CRB1: variants seen among roughly 807,000 people sequenced by gnomAD.
CRB1 encodes protein crumbs homolog 1.
CRB1 carries 83 observed loss-of-function variants against 120.0 expected under a neutral mutation model. The ratio of observed to expected loss-of-function variants is 0.69; its 90% CI spans 0.58 to 0.83. CRB1 has a LOEUF of 0.83. Among genes scored for constraint, CRB1 ranks in the 40% least tolerant of loss-of-function variants. The pLI, the probability that CRB1 is intolerant of heterozygous loss-of-function variation, is 0.00. For synonymous variants in CRB1, 625 were observed against 612.5 expected (o/e 1.02, Z -0.30); for missense variants, 1,699 against 1,687.6 (o/e 1.01, Z -0.12).
At chr1:197,211,142 A>G in the CRB1 span, among the ~76,000 whole-genome samples, 1 of 152,336 alleles carries the variant, frequency 6.6e-6, no homozygotes, top group East Asian at 1.9e-4. Context: ...TTTTATAAGA[A>G]GCAAATATGA....
chr1:197,365,035 A>T (rs1449112419), intron 5 of CRB1, among the ~76,000 whole-genome samples: 1 of 151,816 alleles, frequency 6.6e-6, no homozygotes, highest in African/African-American at 2.4e-5. Flanking sequence ...TCACCTTTTT[A>T]GGTTTTAAGA....
chr1:197,329,001 C>T lies in CRB1; in HGVS notation c.650C>T (p.Ser217Phe). Residue 217 changes from serine (S) to phenylalanine (F), a missense_variant and splice_region_variant, in exon 2 of 12, where the codon TCT (serine) becomes TTT (phenylalanine). By Grantham distance (155) the Ser-to-Phe change is radical. Transcript: ENST00000367400. The part of the protein sequence containing the change: ...RYTCICPHNY[S>F]GVNCELEIDE... ...ACTTGTATCTGTCCCCACAATTATT[C>T]TGGTAAGTGTGATCATATCTGAATC... 6.2e-7 allele frequency: 1 copy of T among 1,608,424 alleles called. No homozygotes were observed. Among genetic ancestry groups the T allele is most frequent in the Non-Finnish European group, 8.5e-7 (1 of 1,177,198 alleles).
intron 1 of CRB1, among the ~76,000 whole-genome samples, chr1:197,285,783 AGGAAGGCCATGCCAGG>A (rs1655789760): frequency 6.6e-6 from 1 of 151,938 alleles, no homozygotes; most frequent in African/African-American, 2.4e-5. Context: ...ATATTTACCA[AGGAAGGCCATGCCAGG>A]GGAAACACAC....
chr1:197,477,124 G>C (rs1030987096), intron 11 of CRB1, among the ~76,000 whole-genome samples: 56 of 152,288 alleles, frequency 3.7e-4, no homozygotes, highest in African/African-American at 1.1e-3. Flanking sequence ...CCGAATCAGA[G>C]TGATTCCTTT....
the CRB1 span, among the ~76,000 whole-genome samples, chr1:197,241,039 A>T: frequency 6.6e-6 from 1 of 151,944 alleles, no homozygotes. Context: ...CCACTTTTTG[A>T]TGGGGTTGTT....
intron 11 of CRB1, among the ~76,000 whole-genome samples, chr1:197,462,531 C>G (rs555374930): frequency 1.3e-5 from 2 of 152,134 alleles, no homozygotes; most frequent in Admixed American, 6.6e-5. Flanking sequence ...CCCTGAAATA[C>G]TCCCTTTGGT....
chr1:197,460,868 T>G (rs1370700125), intron 11 of CRB1, among the ~76,000 whole-genome samples: 1 of 152,054 alleles, frequency 6.6e-6, no homozygotes, highest in Non-Finnish European at 1.5e-5. Flanking sequence ...AAAACACAAG[T>G]TTATCATGGG....
At chr1:197,400,574 A>G (rs1663016070) in intron 5 of CRB1, among the ~76,000 whole-genome samples, 1 of 152,054 alleles carries the variant, frequency 6.6e-6, no homozygotes, top group African/African-American at 2.4e-5. Flanking sequence ...TATCTCTGGA[A>G]CTCTTACAAA....
intron 5 of CRB1, among the ~76,000 whole-genome samples, chr1:197,398,859 A>T (rs1662909074): frequency 6.6e-6 from 1 of 151,022 alleles, no homozygotes; most frequent in Non-Finnish European, 1.5e-5. Flanking sequence ...CAACAGAGAT[A>T]ATAGATTGCC....
At chr1:197,317,738 A>C (rs1189554118) in intron 1 of CRB1, among the ~76,000 whole-genome samples, 3 of 152,226 alleles carry the variant, frequency 2.0e-5, no homozygotes, top group South Asian at 4.1e-4. Context: ...AAGTATAGAC[A>C]ATGGGGAAAG....
intron 2 of CRB1, among the ~76,000 whole-genome samples, chr1:197,334,696 C>G (rs894035354): frequency 1.3e-5 from 2 of 152,162 alleles, no homozygotes; most frequent in African/African-American, 4.8e-5. Flanking sequence ...CCTATATATT[C>G]TGTTATACCA....
intron 5 of CRB1, among the ~76,000 whole-genome samples, chr1:197,389,911 C>G (rs1217202015): frequency 6.6e-6 from 1 of 151,990 alleles, no homozygotes; most frequent in East Asian, 1.9e-4. Flanking sequence ...TCCCTGCCAC[C>G]CTGCTGCGTG....
Position 197,344,343 on chromosome 1 carries a change from T to C in CRB1, c.715T>C (p.Cys239Arg). The C allele has an allele frequency of 6.2e-7, 1 of 1,614,168 alleles. No homozygotes were observed. The change falls in exon 3 of 12, where the codon TGT becomes CGT. Residue 239 changes from cysteine (C) to arginine (R), a missense_variant. By Grantham distance (180) the Cys-to-Arg change is radical (BLOSUM62 -3). Transcript: ENST00000367400. ...WSQPCLNGATCQDALGAYFCD... is the reference protein window; with the variant it reads ...WSQPCLNGATRQDALGAYFCD... ...CCAGCCTTGTTTAAATGGTGCAACT[T>C]GTCAGGATGCTCTGGGGGCCTATTT...
At chr1:197,452,476 G>A (rs946428214) in intron 11 of CRB1, among the ~76,000 whole-genome samples, 1 of 152,132 alleles carries the variant, frequency 6.6e-6, no homozygotes, top group African/African-American at 2.4e-5. Flanking sequence ...GCTGAGTCTG[G>A]CTTGATTTCG....
intron 1 of CRB1, among the ~76,000 whole-genome samples, chr1:197,325,789 A>T (rs1658460586): frequency 6.6e-6 from 1 of 152,196 alleles, no homozygotes; most frequent in Admixed American, 6.5e-5. Context: ...ATTAGTGAGG[A>T]TACAATGAGG....
chr1:197,278,349 ACC>A (rs1655337766), intron 1 of CRB1, among the ~76,000 whole-genome samples: 1 of 151,900 alleles, frequency 6.6e-6, no homozygotes, highest in South Asian at 2.1e-4. Context: ...TGGTGCTTTG[ACC>A]TAGGACTTTC....
intron 3 of CRB1, 75 bp from the exon 4 acceptor site, chr1:197,347,264 AG>A (rs1659828607): frequency 1.5e-6 from 2 of 1,340,332 alleles, no homozygotes; most frequent in Admixed American, 1.7e-5. Flanking sequence ...GTTGATAGAC[AG>A]TTGAAGAAAC....
intron 1 of CRB1, among the ~76,000 whole-genome samples, chr1:197,319,432 CAAAAAAAAAAAA>C (rs10646084): frequency 1.8e-4 from 5 of 27,096 alleles, no homozygotes; most frequent in South Asian, 3.5e-3. Flanking sequence ...GACTCCATCT[CAAAAAAAAAAAA>C]AAAAAAAAAA....
intron 1 of CRB1, among the ~76,000 whole-genome samples, chr1:197,274,787 A>G (rs1277203982): frequency 1.3e-5 from 2 of 152,250 alleles, no homozygotes; most frequent in East Asian, 1.9e-4. Context: ...TTACTGAAAA[A>G]TATTCCATTA....
Sources: allele counts gnomAD v4.1 joint callset (sites outside exome capture counted in the v4.1 genomes callset), GRCh38; gene constraint gnomAD v4.1.1; transcripts MANE v1.5; gene names NCBI Gene and HGNC (gene_info 2026-07-23, HGNC 2026-07-21).